Variants in HELZ observed in about 807,000 individuals in gnomAD.
HELZ encodes helicase with zinc finger, also known as ATP-dependent RNA helicase with zinc finger domain.
HELZ carries 23 observed loss-of-function variants against 218.2 expected under a neutral mutation model. That is an observed-to-expected ratio of 0.11 (90% CI 0.08 to 0.15). HELZ has a LOEUF of 0.15. HELZ is among the 10% of genes least tolerant of loss of function. The probability of loss-of-function intolerance (pLI) is 1.00; values close to 1 mark genes in which losing one functional copy is unlikely to be tolerated. For synonymous variants in HELZ, 814 were observed against 829.4 expected (o/e 0.98, Z 0.32); for missense variants, 1,813 against 2,353.7 (o/e 0.77, Z 4.75).
chr17:67,184,542 T>C (rs2039699597), intron 12 of HELZ, among the ~76,000 whole-genome samples: 2 of 152,162 alleles, frequency 1.3e-5, no homozygotes, highest in Admixed American at 6.5e-5. Flanking sequence ...CTCATGCCTA[T>C]AATCTCAGCA....
intron 3 of HELZ, 107 bp from the exon 4 acceptor site, chr17:67,218,929 A>C: frequency 2.8e-6 from 2 of 725,298 alleles, no homozygotes; most frequent in Middle Eastern, 3.9e-4. Context: ...GAATACTCTC[A>C]GCTAGCCTTT....
intron 13 of HELZ, among the ~76,000 whole-genome samples, chr17:67,171,619 C>T (rs534816218): frequency 2.9e-4 from 44 of 152,212 alleles, no homozygotes; most frequent in Admixed American, 3.3e-4. Flanking sequence ...TTCTCCACAC[C>T]CCCATCAGAG....
intron 7 of HELZ, among the ~76,000 whole-genome samples, chr17:67,197,613 A>G (rs1175639875): frequency 6.6e-6 from 1 of 152,242 alleles, no homozygotes; most frequent in Non-Finnish European, 1.5e-5. Context: ...CTTGAACAGC[A>G]CAGGTGCTCA....
chr17:67,140,160 G>C (rs1363300865), intron 21 of HELZ, among the ~76,000 whole-genome samples: 1 of 152,194 alleles, frequency 6.6e-6, no homozygotes, highest in African/African-American at 2.4e-5. Context: ...CTTGGTAGCG[G>C]CACCAGCTGG....
At chr17:67,126,238 A>G (rs1459613927) in intron 24 of HELZ, among the ~76,000 whole-genome samples, 1 of 152,252 alleles carries the variant, frequency 6.6e-6, no homozygotes, top group African/African-American at 2.4e-5. Context: ...TATTCATTAC[A>G]GTAGCAATAG....
intron 31 of HELZ, among the ~76,000 whole-genome samples, chr17:67,105,403 G>A (rs552025770): frequency 6.6e-6 from 1 of 152,282 alleles, no homozygotes; most frequent in Admixed American, 6.5e-5. Context: ...CAATTTTTAT[G>A]AAATGTCTCC....
At chr17:67,176,713 G>C (rs1468529303) in intron 13 of HELZ, 1 of 152,162 alleles carries the variant, frequency 6.6e-6, no homozygotes, top group Non-Finnish European at 1.5e-5. Context: ...ATGCACACCT[G>C]CAGTCTCAGC....
At chr17:67,172,462 A>C (rs1225713216) in intron 13 of HELZ, among the ~76,000 whole-genome samples, 1 of 145,586 alleles carries the variant, frequency 6.9e-6, no homozygotes, top group Non-Finnish European at 1.5e-5. Flanking sequence ...TGTTCATTGA[A>C]TTAATTTTAT....
intron 3 of HELZ, among the ~76,000 whole-genome samples, chr17:67,234,293 A>C (rs1438716629): frequency 1.4e-5 from 1 of 72,520 alleles, no homozygotes. Context: ...ACTGTACTCC[A>C]AAAAAAAAAA....
At chr17:67,114,908 G>A (rs1022209506) in intron 27 of HELZ, among the ~76,000 whole-genome samples, 2 of 152,174 alleles carry the variant, frequency 1.3e-5, no homozygotes, top group Non-Finnish European at 2.9e-5. Context: ...GTATAAGTGG[G>A]TGATAAATAG....
intron 32 of HELZ, among the ~76,000 whole-genome samples, chr17:67,082,455 C>T (rs2036224177): frequency 1.3e-5 from 2 of 152,208 alleles, no homozygotes; most frequent in Admixed American, 1.3e-4. Context: ...AGCAATACAG[C>T]TGTCCAATAT....
At position 67,186,053 on chromosome 17, in the gene HELZ, C is replaced by T. The variant is rs544876574; in HGVS notation, c.1162+2266G>A. 7.4e-4 allele frequency among the ~76,000 whole-genome samples: 113 copies of T among 152,230 alleles called. 1 individual carries two copies. Among genetic ancestry groups the T allele is most frequent in the Non-Finnish European group, 1.3e-3 (90 of 68,000 alleles). On this transcript the variant is annotated intron_variant, in intron 12 of 32. Coordinates refer to ENST00000358691, the MANE Select transcript of HELZ (RefSeq NM_014877.4). Reference sequence around the variant, plus strand: ...TCAACTCCTACAATGTGTTCTCTTGCCAACATCTGCAGGCACTGTGGCCTC... The same window carrying T: ...TCAACTCCTACAATGTGTTCTCTTGTCAACATCTGCAGGCACTGTGGCCTC...
In HELZ at chr17:67,077,571, C is replaced by T. The variant is rs955805012; in HGVS notation, c.*681G>A. 2.0e-5 allele frequency: 3 copies of T among 152,134 alleles called. No individual in the cohort carries two copies. The highest frequency in any genetic ancestry group is 2.9e-5 in the Non-Finnish European group (2 of 67,898). The allele number at this position is 152,134 out of a possible 1,614,324, so 9.4% of individuals were successfully genotyped here. The stretch of plus-strand genomic sequence containing the variant: ...TCCAAAAAATAACTAAGTATGCCAA[C>T]GTTTTTTTCACATTTCAAAAAACAG... On this transcript the variant is annotated 3_prime_UTR_variant, in exon 33 of 33. Transcript: ENST00000358691.
At chr17:67,201,412 A>T (rs1222432977) in intron 6 of HELZ, among the ~76,000 whole-genome samples, 2 of 152,222 alleles carry the variant, frequency 1.3e-5, no homozygotes, top group Admixed American at 6.5e-5. Context: ...TGGTAAGTAA[A>T]ACCACTGTAT....
At chr17:67,196,526 T>C (rs1036178116) in intron 7 of HELZ, among the ~76,000 whole-genome samples, 2 of 152,148 alleles carry the variant, frequency 1.3e-5, no homozygotes, top group East Asian at 1.9e-4. Context: ...TCAGTAAATG[T>C]TGGATGAGTG....
At position 67,167,587 on chromosome 17, in the gene HELZ, GTCTGTACTAACT is replaced by G. The variant is rs753074203; in HGVS notation, c.1628_1639del (p.Lys543_Gln546del). ...ATAAACCTTCTCTTTGGTTCCCTGG[GTCTGTACTAACT>G]TCTGTTTAGGGACTGGTAATAAATA... On this transcript the variant is annotated inframe_deletion, in exon 14 of 33. Coordinates refer to ENST00000358691, the MANE Select transcript of HELZ (RefSeq NM_014877.4). The G allele has an allele frequency of 3.7e-6, 6 of 1,613,840 alleles. No homozygotes were observed. The Admixed American group carries it at 1.0e-4, about 27-fold the overall frequency.
At chr17:67,223,243 G>A (rs1309711238) in intron 3 of HELZ, among the ~76,000 whole-genome samples, 1 of 152,016 alleles carries the variant, frequency 6.6e-6, no homozygotes, top group Non-Finnish European at 1.5e-5. Context: ...CTGGGCAACA[G>A]AGCGAGATTC....
intron 15 of HELZ, 89 bp from the exon 16 acceptor site, chr17:67,161,165 T>C (rs948887831): frequency 8.7e-6 from 8 of 919,620 alleles, no homozygotes; most frequent in African/African-American, 3.4e-5. Flanking sequence ...CAGTGAACCA[T>C]TAAAACCACT....
chr17:67,186,566 C>T (rs1273833613), intron 12 of HELZ, among the ~76,000 whole-genome samples: 1 of 152,182 alleles, frequency 6.6e-6, no homozygotes, highest in Non-Finnish European at 1.5e-5. Context: ...TCCTTTTCAT[C>T]ACCACCTTTT....
Sources: allele counts gnomAD v4.1 joint callset (sites outside exome capture counted in the v4.1 genomes callset), GRCh38; gene constraint gnomAD v4.1.1; transcripts MANE v1.5; gene names NCBI Gene and HGNC (gene_info 2026-07-23, HGNC 2026-07-21).